DYM: variants seen among roughly 807,000 people sequenced by gnomAD.
DYM encodes the protein dymeclin, also known as dyggve-Melchior-Clausen syndrome protein.
Under a neutral mutation model 93.1 loss-of-function variants are expected in DYM, and 78 were observed. The observed-to-expected ratio is 0.84, with a 90% CI of 0.70 to 1.01. The LOEUF (loss-of-function observed/expected upper bound fraction) is 1.01, where lower values mean the gene tolerates loss of function less well. Ranked by LOEUF, DYM falls within the 50% of genes least tolerant of loss-of-function variation. The pLI is 0.00. For missense variants in DYM, 789 were observed against 845.0 expected (o/e 0.93, Z 0.82); for synonymous variants, 321 against 319.7 (o/e 1.00, Z -0.04).
chr18:49,199,942 A>G (rs1295188057), intron 14 of DYM, among the ~76,000 whole-genome samples: 1 of 152,168 alleles, frequency 6.6e-6, no homozygotes, highest in East Asian at 1.9e-4. Context: ...AAATGATTTC[A>G]TATTACACGT....
intron 8 of DYM, among the ~76,000 whole-genome samples, chr18:49,319,482 T>C (rs930286636): frequency 2.0e-5 from 3 of 152,108 alleles, no homozygotes; most frequent in Non-Finnish European, 4.4e-5. Context: ...GATAAAAACA[T>C]TTAAGGTTGT....
chr18:49,160,264 G>A (rs185790622), intron 15 of DYM, among the ~76,000 whole-genome samples: 33 of 152,154 alleles, frequency 2.2e-4, no homozygotes, highest in East Asian at 2.1e-3. Context: ...TCATTATCTG[G>A]AACTCAGTTG....
At chr18:49,368,721 G>C (rs1161096265) in intron 5 of DYM, 1 of 152,050 alleles carries the variant, frequency 6.6e-6, no homozygotes, top group Non-Finnish European at 1.5e-5. Context: ...AAACAAAGCT[G>C]GTTTCACAGG....
intron 14 of DYM, among the ~76,000 whole-genome samples, chr18:49,197,362 G>C (rs1202875464): frequency 6.6e-6 from 1 of 151,986 alleles, no homozygotes; most frequent in Admixed American, 6.6e-5. Flanking sequence ...AATGGCAAAA[G>C]GGGGGGAAGA....
chr18:49,053,144 C>T (rs138203617), intron 17 of DYM, among the ~76,000 whole-genome samples: 254 of 152,286 alleles, frequency 1.7e-3, no homozygotes, highest in African/African-American at 5.5e-3. Flanking sequence ...AGTGAGTCAA[C>T]CTACCACAGT....
At chr18:49,060,551 T>G (rs2075865089) in intron 17 of DYM, among the ~76,000 whole-genome samples, 1 of 148,606 alleles carries the variant, frequency 6.7e-6, no homozygotes, top group African/African-American at 2.5e-5. Context: ...AGGCTCTCTG[T>G]GTGCCATGCA....
intron 2 of DYM, among the ~76,000 whole-genome samples, chr18:49,408,705 C>T (rs1340704877): frequency 6.6e-6 from 1 of 152,114 alleles, no homozygotes; most frequent in African/African-American, 2.4e-5. Flanking sequence ...CAGAGGAACC[C>T]ATAAAGGGTA....
chr18:49,119,492 G>C (rs1759167495), intron 15 of DYM, among the ~76,000 whole-genome samples: 1 of 152,114 alleles, frequency 6.6e-6, no homozygotes, highest in Non-Finnish European at 1.5e-5. Context: ...CAAACCTCTT[G>C]GAAGAAAAGG....
intron 1 of DYM, among the ~76,000 whole-genome samples, chr18:49,452,134 A>C (rs1184268663): frequency 6.6e-6 from 1 of 152,200 alleles, no homozygotes; most frequent in Non-Finnish European, 1.5e-5. Flanking sequence ...ACAGTTCTTC[A>C]AGGCGGCATG....
chr18:49,132,741 T>G (rs1426946472), intron 15 of DYM, among the ~76,000 whole-genome samples: 1 of 152,128 alleles, frequency 6.6e-6, no homozygotes, highest in Non-Finnish European at 1.5e-5. Flanking sequence ...AGGGTTACAA[T>G]CCAAGTAATT....
intron 14 of DYM, among the ~76,000 whole-genome samples, chr18:49,190,163 T>C (rs1176746664): frequency 5.9e-5 from 9 of 152,212 alleles, no homozygotes; most frequent in African/African-American, 2.2e-4. Context: ...TTAGGGATAG[T>C]AAGAAAAATT....
At chr18:49,240,609 A>G (rs1316479898) in intron 13 of DYM, among the ~76,000 whole-genome samples, 1 of 152,224 alleles carries the variant, frequency 6.6e-6, no homozygotes, top group Non-Finnish European at 1.5e-5. Flanking sequence ...GATGCCAAAT[A>G]TAAGTTTTTC....
Position 49,193,202 on chromosome 18 carries a change from TA to T in DYM, c.1625+16348del, listed in dbSNP as rs1003836436. ...TGTCAATATATAATAAAAATAAAAT[TA>T]AAAAAAATTAAAATAAAGAGTTAAT... is the stretch of plus-strand genomic sequence containing the variant. On this transcript the variant is annotated intron_variant, in intron 14 of 17. Transcript: ENST00000675505. Among the ~76,000 whole-genome samples the T allele has an allele frequency of 2.7e-4, 41 of 150,742 alleles. No individual in the cohort carries two copies. The Middle Eastern group carries it at 0.014, about 50-fold the overall frequency.
intron 11 of DYM, among the ~76,000 whole-genome samples, chr18:49,271,585 T>G (rs1382300332): frequency 6.6e-6 from 1 of 151,918 alleles, no homozygotes; most frequent in Non-Finnish European, 1.5e-5. Flanking sequence ...GAATCAGAAA[T>G]AGGGTGAACA....
At chr18:49,157,063 GC>G (rs2144893414) in intron 15 of DYM, among the ~76,000 whole-genome samples, 1 of 152,234 alleles carries the variant, frequency 6.6e-6, no homozygotes, top group Non-Finnish European at 1.5e-5. Flanking sequence ...TCCTGGACAT[GC>G]CTGACCTTGG....
chr18:49,289,867 T>C (rs540059193), intron 8 of DYM, among the ~76,000 whole-genome samples: 1 of 149,018 alleles, frequency 6.7e-6, no homozygotes, highest in East Asian at 2.0e-4. Context: ...ACAATAATTT[T>C]TAAAAATGTA....
chr18:49,218,725 A>G (rs1202288933), intron 13 of DYM, among the ~76,000 whole-genome samples: 1 of 152,220 alleles, frequency 6.6e-6, no homozygotes, highest in Non-Finnish European at 1.5e-5. Flanking sequence ...AAGACACAAC[A>G]TACCAGAATC....
At chr18:49,279,291 C>A (rs946162210) in intron 10 of DYM, among the ~76,000 whole-genome samples, 12 of 152,172 alleles carry the variant, frequency 7.9e-5, no homozygotes, top group African/African-American at 2.7e-4. Context: ...GGGATTTACA[C>A]ACAATAAGGT....
chr18:49,373,143 T>C (rs2067197312), intron 5 of DYM, among the ~76,000 whole-genome samples: 1 of 152,188 alleles, frequency 6.6e-6, no homozygotes, highest in Non-Finnish European at 1.5e-5. Flanking sequence ...AAAAATGATA[T>C]TGTTACAGGA....
Sources: gnomAD v4.1 joint callset for allele counts (sites outside exome capture counted in the v4.1 genomes callset) on GRCh38, gnomAD v4.1.1 for gene constraint, MANE v1.5 for transcripts, NCBI Gene and HGNC (gene_info 2026-07-23, HGNC 2026-07-21) for gene names.